The following FHOD3 variants were observed in gnomAD, a reference collection of about 807,000 sequenced individuals.
FHOD3 encodes the protein FH1/FH2 domain-containing protein 3.
In FHOD3, 90 loss-of-function variants were observed where a neutral mutation model predicts 173.0. The ratio of observed to expected loss-of-function variants is 0.52; its 90% confidence interval spans 0.44 to 0.62. FHOD3 has a LOEUF of 0.62. Ranked by LOEUF, FHOD3 falls within the 20% of genes least tolerant of loss-of-function variation. The pLI is 0.00. For synonymous variants in FHOD3, 828 were observed against 823.0 expected (o/e 1.01, Z -0.10); for missense variants, 1,945 against 2,034.7 (o/e 0.96, Z 0.85).
chr18:36,519,080 C>T (rs1028581102), intron 5 of FHOD3, among the ~76,000 whole-genome samples: 5 of 152,200 alleles, frequency 3.3e-5, no homozygotes, highest in African/African-American at 7.2e-5. Flanking sequence ...GTCTGTGGCT[C>T]CTCTTGCCAC....
intron 5 of FHOD3, among the ~76,000 whole-genome samples, chr18:36,547,792 G>A (rs952910507): frequency 6.6e-6 from 1 of 152,198 alleles, no homozygotes; most frequent in Non-Finnish European, 1.5e-5. Context: ...ACTGTGAGGC[G>A]CCTGGGTAGC....
At chr18:36,743,248 G>A (rs1322513402) in intron 22 of FHOD3, among the ~76,000 whole-genome samples, 1 of 135,830 alleles carries the variant, frequency 7.4e-6, no homozygotes, top group East Asian at 2.4e-4. Context: ...AGCAGAGGTT[G>A]CAGTGAGCTG....
Position 36,747,111 on chromosome 18 carries a change from T to C in FHOD3, c.4208T>C (p.Ile1403Thr). The C allele has an allele frequency of 6.2e-7, 1 of 1,612,844 alleles. No individual in the cohort carries two copies. Among genetic ancestry groups the C allele is most frequent in the Non-Finnish European group, 8.5e-7 (1 of 1,179,606 alleles). The change falls in exon 24 of 29, where the codon ATT becomes ACT. Residue 1403 changes from isoleucine to threonine, a missense_variant. Physicochemically the swap from Ile to Thr is moderately conservative, Grantham distance 89. Transcript: ENST00000590592. Reference protein sequence around the residue: ...DCAERIIILKIVHRRIINRFH... With the variant: ...DCAERIIILKTVHRRIINRFH... ...GCAGAGCGAATTATAATTTTAAAGA[T>C]TGTCCATAGAAGGATAATCAACAGG...
intron 3 of FHOD3, among the ~76,000 whole-genome samples, chr18:36,427,882 T>C (rs866304837): frequency 2.6e-5 from 4 of 152,256 alleles, no homozygotes; most frequent in African/African-American, 9.6e-5. Flanking sequence ...TTTTTATTCA[T>C]AATGAACGTA....
At chr18:36,389,847 C>T (rs2048210606) in intron 3 of FHOD3, among the ~76,000 whole-genome samples, 1 of 152,144 alleles carries the variant, frequency 6.6e-6, no homozygotes, top group Non-Finnish European at 1.5e-5. Flanking sequence ...ATGAGTAGGG[C>T]AGGCTCAGCC....
At chr18:36,490,328 C>T (rs1038337372) in intron 3 of FHOD3, among the ~76,000 whole-genome samples, 10 of 152,038 alleles carry the variant, frequency 6.6e-5, no homozygotes, top group Non-Finnish European at 1.5e-4. Context: ...TGCTGGGGCC[C>T]CAAAGCTGAC....
chr18:36,532,814 G>A (rs972652165), intron 5 of FHOD3, among the ~76,000 whole-genome samples: 2 of 152,228 alleles, frequency 1.3e-5, no homozygotes, highest in Non-Finnish European at 2.9e-5. Flanking sequence ...TGCATGGAGA[G>A]TTCTTTTGGA....
At chr18:36,612,204 A>C in intron 9 of FHOD3, 109 bp downstream of exon 9, 1 of 1,195,654 alleles carries the variant, frequency 8.4e-7, no homozygotes, top group Non-Finnish European at 1.2e-6. Context: ...CCACCAGCTT[A>C]TTAGAAACTC....
rs936787816 is a variant in FHOD3, at chr18:36,724,171, G to T, written c.3417+5456G>T. 3.3e-5 allele frequency among the ~76,000 whole-genome samples: 5 copies of T among 152,242 alleles called. No homozygotes were observed. In the South Asian group the frequency reaches 1.0e-3, roughly 31 times the overall value. On this transcript the variant is annotated intron_variant, in intron 19 of 28. Coordinates refer to ENST00000590592, the MANE Select transcript of FHOD3 (RefSeq NM_001281740.3). Reference sequence around the variant, plus strand: ...GGCATCTCCTCTGCATGGGCATTTTGCCATCTGTGTGCATCAAGGATTGGT... The same window carrying T: ...GGCATCTCCTCTGCATGGGCATTTTTCCATCTGTGTGCATCAAGGATTGGT...
At chr18:36,759,206 C>A in intron 26 of FHOD3, 65 bp downstream of exon 26, 1 of 1,451,140 alleles carries the variant, frequency 6.9e-7, no homozygotes, top group Non-Finnish European at 9.4e-7. Flanking sequence ...CTGGTCTAAC[C>A]TAACATAATC....
At chr18:36,640,332 T>G (rs1422682667) in intron 10 of FHOD3, among the ~76,000 whole-genome samples, 1 of 152,232 alleles carries the variant, frequency 6.6e-6, no homozygotes, top group Non-Finnish European at 1.5e-5. Flanking sequence ...TACTTTTAAG[T>G]GAAATCACTG....
intron 1 of FHOD3, among the ~76,000 whole-genome samples, chr18:36,303,688 T>C (rs1391459686): frequency 1.3e-5 from 2 of 152,174 alleles, no homozygotes; most frequent in African/African-American, 4.8e-5. Flanking sequence ...TGGGAACTTT[T>C]CTGTCTTCAG....
chr18:36,510,515 GTA>G (rs761789298), intron 4 of FHOD3, among the ~76,000 whole-genome samples: 2 of 152,074 alleles, frequency 1.3e-5, no homozygotes, highest in South Asian at 4.1e-4. Flanking sequence ...CAATTCTCTG[GTA>G]TATTAATATT....
chr18:36,346,856 C>T (rs2045901268), intron 1 of FHOD3, among the ~76,000 whole-genome samples: 1 of 152,232 alleles, frequency 6.6e-6, no homozygotes, highest in South Asian at 2.1e-4. Context: ...GGTGGCCTGC[C>T]TCCCTTCACT....
At chr18:36,572,781 G>A (rs1025093529) in intron 5 of FHOD3, among the ~76,000 whole-genome samples, 1 of 152,114 alleles carries the variant, frequency 6.6e-6, no homozygotes, top group Non-Finnish European at 1.5e-5. Flanking sequence ...AGTCTTCCCC[G>A]TGGATATACC....
chr18:36,593,637 C>T (rs1287297403), intron 6 of FHOD3, among the ~76,000 whole-genome samples: 1 of 152,166 alleles, frequency 6.6e-6, no homozygotes, highest in East Asian at 1.9e-4. Flanking sequence ...CTGCAGAACA[C>T]AGGAAGTAGC....
At chr18:36,698,200 T>C (rs1255518624) in intron 17 of FHOD3, among the ~76,000 whole-genome samples, 1 of 152,168 alleles carries the variant, frequency 6.6e-6, no homozygotes, top group Non-Finnish European at 1.5e-5. Flanking sequence ...ATTTTGTCAA[T>C]TGGACAAAAT....
chr18:36,438,382 G>A (rs2050933496), intron 3 of FHOD3, among the ~76,000 whole-genome samples: 1 of 152,050 alleles, frequency 6.6e-6, no homozygotes, highest in South Asian at 2.1e-4. Context: ...GGCACTGGAG[G>A]GCATTCACCA....
intron 5 of FHOD3, among the ~76,000 whole-genome samples, chr18:36,573,328 G>A (rs1301596670): frequency 6.6e-6 from 1 of 151,934 alleles, no homozygotes; most frequent in African/African-American, 2.4e-5. Context: ...GTTATAACTG[G>A]GCACGGTGGC....
Sources: gnomAD v4.1 joint callset for allele counts (sites outside exome capture counted in the v4.1 genomes callset) on GRCh38, gnomAD v4.1.1 for gene constraint, MANE v1.5 for transcripts, NCBI Gene and HGNC (gene_info 2026-07-23, HGNC 2026-07-21) for gene names.